Variants in PCDH15 observed in about 807,000 individuals in gnomAD.
PCDH15 encodes protocadherin related 15, also known as protocadherin-15.
PCDH15 carries 129 observed loss-of-function variants against 178.5 expected under a neutral mutation model. The ratio of observed to expected loss-of-function variants is 0.72; its 90% CI spans 0.63 to 0.84. PCDH15 has a LOEUF of 0.84. PCDH15 is among the 40% of genes least tolerant of loss of function. PCDH15 has a pLI of 0.00. For missense variants in PCDH15, 2,230 were observed against 2,099.9 expected (o/e 1.06, Z -1.21); for synonymous variants, 800 against 732.0 (o/e 1.09, Z -1.50).
intron 16 of PCDH15, among the ~76,000 whole-genome samples, chr10:54,085,735 T>G (rs2094505026): frequency 6.6e-6 from 1 of 152,194 alleles, no homozygotes; most frequent in African/African-American, 2.4e-5. Context: ...CTAAGCCAAT[T>G]TATTAAAATA....
chr10:54,399,826 T>C (rs1951716327), intron 3 of PCDH15, among the ~76,000 whole-genome samples: 1 of 152,044 alleles, frequency 6.6e-6, no homozygotes, highest in Non-Finnish European at 1.5e-5. Flanking sequence ...ATCCCAGGAA[T>C]TGCCAGAAAC....
chr10:55,466,413 AAAT>A (rs1030410215), intron 2 of PCDH15, among the ~76,000 whole-genome samples: 6 of 152,248 alleles, frequency 3.9e-5, no homozygotes, highest in South Asian at 2.1e-4. Flanking sequence ...CACAATAAAT[AAAT>A]AATAATAATG....
chr10:54,870,412 G>A (rs909969556), intron 3 of PCDH15, among the ~76,000 whole-genome samples: 1 of 152,130 alleles, frequency 6.6e-6, no homozygotes, highest in Admixed American at 6.5e-5. Flanking sequence ...TGATAGTTTT[G>A]TTTTAGTGTT....
At chr10:55,067,000 T>C (rs906051850) in intron 2 of PCDH15, among the ~76,000 whole-genome samples, 1 of 151,972 alleles carries the variant, frequency 6.6e-6, no homozygotes. Flanking sequence ...ATTCTATGCA[T>C]GTAATAAACA....
At chr10:54,014,233 C>T (rs1039961494) in intron 20 of PCDH15, among the ~76,000 whole-genome samples, 3 of 152,068 alleles carry the variant, frequency 2.0e-5, no homozygotes, top group Non-Finnish European at 1.5e-5. Flanking sequence ...AACTGAATCC[C>T]TAAACAGACC....
At position 55,358,648 on chromosome 10, in the gene PCDH15, T is replaced by C. The variant is rs542259985; in HGVS notation, c.-155-191997A>G. On this transcript the variant is annotated intron_variant, in intron 2 of 5. Coordinates refer to the PCDH15 transcript ENST00000613346. Reference sequence around the variant, plus strand: ...TTATCTTGGATAATTTTAATAAAATTATAAATATTCCCATTTTGCAGTAGA... The same window carrying C: ...TTATCTTGGATAATTTTAATAAAATCATAAATATTCCCATTTTGCAGTAGA... Among the ~76,000 whole-genome samples, 8 of 152,240 alleles carry C rather than the reference T, an allele frequency of 5.3e-5. No homozygotes were observed. In the East Asian group the frequency reaches 1.5e-3, roughly 29 times the overall value.
In PCDH15 at chr10:54,003,642, C is replaced by T. The variant is rs573221534; in HGVS notation, c.2752-7877G>A. Among the ~76,000 whole-genome samples the T allele has an allele frequency of 5.3e-5, 8 of 150,104 alleles. No individual in the cohort carries two copies. The East Asian group carries it at 1.6e-3, about 30-fold the overall frequency. On this transcript the variant is annotated intron_variant, in intron 20 of 37. Transcript: ENST00000644397. ...AGTATCAAGCTGTAATGAAAAGTCA[C>T]CTAGCAAAGGAAAAGCCAGAACCTG...
intron 3 of PCDH15, among the ~76,000 whole-genome samples, chr10:54,495,655 A>C (rs2080042105): frequency 6.6e-6 from 1 of 152,146 alleles, no homozygotes; most frequent in African/African-American, 2.4e-5. Context: ...TATTCATCTC[A>C]TATTTAAACT....
intron 9 of PCDH15, among the ~76,000 whole-genome samples, chr10:54,224,839 T>C (rs1369704556): frequency 6.6e-6 from 1 of 152,118 alleles, no homozygotes; most frequent in Non-Finnish European, 1.5e-5. Flanking sequence ...AAAAGTAAAC[T>C]ACCTTTGTCC....
chr10:54,274,473 A>G (rs895188919), intron 8 of PCDH15, among the ~76,000 whole-genome samples: 2 of 152,044 alleles, frequency 1.3e-5, no homozygotes, highest in Non-Finnish European at 2.9e-5. Flanking sequence ...CCTTCAAGGT[A>G]AGGACTGTTG....
In PCDH15 at chr10:54,234,859, A is replaced by C. The variant is rs560309680; in HGVS notation, c.985+1964T>G. On this transcript the variant is annotated intron_variant, in intron 9 of 37. Coordinates refer to ENST00000644397, the MANE Select transcript of PCDH15 (RefSeq NM_001384140.1). ...CATCACTGTGTCACTTTTCTGTTAA[A>C]ATTTTTTAATTGGCTCCTCATTTCA... 4.6e-5 allele frequency among the ~76,000 whole-genome samples: 7 copies of C among 152,290 alleles called. No homozygotes were observed. In the South Asian group the frequency reaches 6.2e-4, roughly 14 times the overall value.
At chr10:54,238,710 C>CACACACACACACAA (rs1470333410) in intron 8 of PCDH15, among the ~76,000 whole-genome samples, 79 of 150,348 alleles carry the variant, frequency 5.3e-4, no homozygotes, top group African/African-American at 9.8e-4. Context: ...CACACACACA[C>CACACACACACACAA]ACACTTTCCC....
At chr10:54,426,184 A>G (rs1471283445) in intron 3 of PCDH15, among the ~76,000 whole-genome samples, 2 of 152,184 alleles carry the variant, frequency 1.3e-5, no homozygotes, top group Non-Finnish European at 2.9e-5. Context: ...GCAAGAAAAT[A>G]ACATCTAAGA....
intron 3 of PCDH15, among the ~76,000 whole-genome samples, chr10:54,383,839 G>A (rs1445445557): frequency 6.6e-6 from 1 of 151,584 alleles, no homozygotes; most frequent in Admixed American, 6.6e-5. Flanking sequence ...TTTTATTTTT[G>A]AGAGAGTCTT....
At chr10:54,898,421 G>A (rs1564613961) in intron 2 of PCDH15, among the ~76,000 whole-genome samples, 1 of 151,922 alleles carries the variant, frequency 6.6e-6, no homozygotes, top group Non-Finnish European at 1.5e-5. Context: ...TATTATGTTG[G>A]CTTTGAGACA....
Position 54,167,780 on chromosome 10 carries a change from C to T in PCDH15, c.1591-14487G>A, listed in dbSNP as rs1006832595. Among the ~76,000 whole-genome samples the T allele has an allele frequency of 1.3e-4, 20 of 152,000 alleles. 1 individual carries two copies. The highest frequency in any genetic ancestry group is 3.9e-4 in the East Asian group (2 of 5,116). On this transcript the variant is annotated intron_variant, in intron 13 of 37. Coordinates refer to ENST00000644397, the MANE Select transcript of PCDH15 (RefSeq NM_001384140.1). ...TCTCTGCGCCCCAATCCCTTATTTC[C>T]GCACCCCAACCTCGTATCTCTGTGC...
intron 1 of PCDH15, among the ~76,000 whole-genome samples, chr10:55,188,523 C>A (rs577507197): frequency 6.6e-6 from 1 of 151,544 alleles, no homozygotes; most frequent in African/African-American, 2.4e-5. Flanking sequence ...TTTAACAGAC[C>A]CTCACTCTTT....
intron 1 of PCDH15, among the ~76,000 whole-genome samples, chr10:54,767,837 A>AG (rs1948685964): frequency 6.6e-6 from 1 of 152,186 alleles, no homozygotes; most frequent in Middle Eastern, 3.2e-3. Context: ...CATAGCCATG[A>AG]GAAGCCCAAA....
intron 2 of PCDH15, among the ~76,000 whole-genome samples, chr10:55,056,394 T>G (rs1378220865): frequency 6.6e-6 from 1 of 152,070 alleles, no homozygotes; most frequent in Non-Finnish European, 1.5e-5. Context: ...GAATACCTTG[T>G]AAGTTTTTGT....
Sources: allele counts gnomAD v4.1 joint callset (sites outside exome capture counted in the v4.1 genomes callset), GRCh38; gene constraint gnomAD v4.1.1; transcripts MANE v1.5; gene names NCBI Gene and HGNC (gene_info 2026-07-23, HGNC 2026-07-21).